WWOX: variants seen among roughly 807,000 people sequenced by gnomAD.
The protein encoded by WWOX is WW domain containing oxidoreductase.
Under a neutral mutation model 46.2 loss-of-function variants are expected in WWOX, and 69 were observed. That is an observed-to-expected ratio of 1.49 (90% CI 1.23 to 1.82). The LOEUF (loss-of-function observed/expected upper bound fraction) is 1.82. Ranked by LOEUF, WWOX falls within the 40% of genes most tolerant of loss-of-function variation. The pLI is 0.00. For synonymous variants in WWOX, 359 were observed against 202.6 expected (o/e 1.77, Z -6.56); for missense variants, 919 against 542.6 (o/e 1.69, Z -6.89).
chr16:79,159,681 A>T (rs1195739648), intron 8 of WWOX, among the ~76,000 whole-genome samples: 2 of 152,184 alleles, frequency 1.3e-5, no homozygotes, highest in Non-Finnish European at 2.9e-5. Flanking sequence ...CAAGCCACTG[A>T]GCAGAACAGG....
intron 6 of WWOX, among the ~76,000 whole-genome samples, chr16:78,413,277 A>G (rs1286615659): frequency 6.6e-6 from 1 of 152,134 alleles, no homozygotes; most frequent in Non-Finnish European, 1.5e-5. Context: ...TGATTGTCTC[A>G]CGTGTCCATG....
intron 6 of WWOX, among the ~76,000 whole-genome samples, chr16:78,400,747 C>G (rs1018581574): frequency 2.6e-5 from 4 of 152,128 alleles, no homozygotes; most frequent in Admixed American, 1.3e-4. Context: ...TAAAGCAAAT[C>G]CAAGAGATCA....
At chr16:78,134,343 A>ATT (rs56115665) in intron 4 of WWOX, among the ~76,000 whole-genome samples, 1 of 150,110 alleles carries the variant, frequency 6.7e-6, no homozygotes, top group African/African-American at 2.4e-5. Context: ...TGCAAAGACT[A>ATT]TTTTTTTTTT....
Position 78,114,506 on chromosome 16 carries a change from A to T in WWOX, c.231-470A>T, listed in dbSNP as rs1301330604. ...GAGTCTTAAAATGAAAATCGTTAGA[A>T]TTTTGGTAGTTGGCAGGTTTCTTAT... On this transcript the variant is annotated intron_variant, in intron 3 of 8. Coordinates refer to ENST00000566780, the MANE Select transcript of WWOX (RefSeq NM_016373.4). Among the ~76,000 whole-genome samples, 7 of 152,300 alleles carry T rather than the reference A, an allele frequency of 4.6e-5. No individual in the cohort carries two copies. The East Asian group carries it at 1.4e-3, about 29-fold the overall frequency.
At chr16:78,599,338 C>A (rs2045567512) in intron 8 of WWOX, among the ~76,000 whole-genome samples, 1 of 152,236 alleles carries the variant, frequency 6.6e-6, no homozygotes, top group Non-Finnish European at 1.5e-5. Context: ...TGAACTGAAT[C>A]TCCACCTTGG....
intron 8 of WWOX, among the ~76,000 whole-genome samples, chr16:78,505,086 G>A (rs1453444420): frequency 6.6e-6 from 1 of 151,946 alleles, no homozygotes; most frequent in Admixed American, 6.6e-5. Flanking sequence ...TTTCTGAGCC[G>A]CCGAAGCACA....
At chr16:78,827,537 C>G (rs1042753815) in intron 8 of WWOX, among the ~76,000 whole-genome samples, 3 of 151,942 alleles carry the variant, frequency 2.0e-5, no homozygotes, top group Non-Finnish European at 4.4e-5. Flanking sequence ...AGAGTGAGGT[C>G]TAAGAGAAAA....
intron 8 of WWOX, among the ~76,000 whole-genome samples, chr16:78,531,969 A>C (rs920987638): frequency 1.3e-5 from 2 of 151,978 alleles, no homozygotes; most frequent in Non-Finnish European, 2.9e-5. Flanking sequence ...GAAATTTTTA[A>C]AGTAAAGTAA....
intron 8 of WWOX, among the ~76,000 whole-genome samples, chr16:79,033,006 G>C (rs2047795378): frequency 6.6e-6 from 1 of 151,506 alleles, no homozygotes. Flanking sequence ...ACTTATAAGT[G>C]AGAACATATG....
At chr16:78,315,983 A>C (rs1310647306) in intron 5 of WWOX, among the ~76,000 whole-genome samples, 1 of 151,776 alleles carries the variant, frequency 6.6e-6, no homozygotes, top group African/African-American at 2.4e-5. Flanking sequence ...CGGTCACTCA[A>C]ACCTGTAATC....
intron 5 of WWOX, among the ~76,000 whole-genome samples, chr16:78,379,033 C>G (rs1002501332): frequency 6.6e-6 from 1 of 152,172 alleles, no homozygotes; most frequent in African/African-American, 2.4e-5. Flanking sequence ...GTATCTGTGT[C>G]TTACTAGCTT....
intron 8 of WWOX, among the ~76,000 whole-genome samples, chr16:79,139,871 G>A (rs1236259426): frequency 1.3e-5 from 2 of 152,126 alleles, no homozygotes; most frequent in Non-Finnish European, 1.5e-5. Flanking sequence ...TACGTGTTAT[G>A]GCGCATACCC....
At chr16:78,419,902 G>A (rs1016531680) in intron 6 of WWOX, among the ~76,000 whole-genome samples, 2 of 151,794 alleles carry the variant, frequency 1.3e-5, no homozygotes, top group African/African-American at 4.8e-5. Flanking sequence ...ATTAAATAAG[G>A]GATTTGTATC....
chr16:78,815,189 G>A (rs2051297654), intron 8 of WWOX, among the ~76,000 whole-genome samples: 1 of 152,136 alleles, frequency 6.6e-6, no homozygotes, highest in Non-Finnish European at 1.5e-5. Context: ...ACCAGGCATG[G>A]TGGCACACAC....
intron 8 of WWOX, among the ~76,000 whole-genome samples, chr16:78,472,964 A>G (rs867542338): frequency 1.3e-5 from 2 of 152,328 alleles, no homozygotes; most frequent in Middle Eastern, 3.4e-3. Flanking sequence ...CTTGGGCCAA[A>G]TCTGATCTGC....
intron 8 of WWOX, among the ~76,000 whole-genome samples, chr16:79,054,316 G>C (rs1383405326): frequency 6.6e-6 from 1 of 152,094 alleles, no homozygotes; most frequent in Non-Finnish European, 1.5e-5. Context: ...ATATCCCCCA[G>C]CTATCCCGGT....
intron 8 of WWOX, among the ~76,000 whole-genome samples, chr16:78,851,862 GT>G (rs925580271): frequency 1.3e-5 from 2 of 152,114 alleles, no homozygotes; most frequent in African/African-American, 4.8e-5. Context: ...AAAGACTGGA[GT>G]TTTTATATAT....
At chr16:78,655,260 G>T (rs770605452) in intron 8 of WWOX, among the ~76,000 whole-genome samples, 2 of 152,146 alleles carry the variant, frequency 1.3e-5, no homozygotes, top group South Asian at 4.2e-4. Flanking sequence ...GGGTGGTGGG[G>T]CGTGGGCACT....
Position 78,892,892 on chromosome 16 carries a change from C to T in WWOX, c.1057-318716C>T, listed in dbSNP as rs923601221. Among the ~76,000 whole-genome samples, 4 of 152,300 alleles carry T rather than the reference C, an allele frequency of 2.6e-5. No homozygotes were observed. In the South Asian group the frequency reaches 6.2e-4, roughly 24 times the overall value. On this transcript the variant is annotated intron_variant, in intron 8 of 8. Coordinates refer to ENST00000566780, the MANE Select transcript of WWOX (RefSeq NM_016373.4). ...GCTTCATTCATTGGTATCTCCTACG[C>T]CAAGTCCTAGGCTTGGTTACAAAGG...
Sources: allele counts gnomAD v4.1 joint callset (sites outside exome capture counted in the v4.1 genomes callset), GRCh38; gene constraint gnomAD v4.1.1; transcripts MANE v1.5; gene names NCBI Gene and HGNC (gene_info 2026-07-23, HGNC 2026-07-21).